The following JAKMIP1 variants were observed in gnomAD, a reference collection of about 807,000 sequenced individuals.
The protein encoded by JAKMIP1 is janus kinase and microtubule interacting protein 1.
A neutral mutation model predicts 113.0 loss-of-function variants in JAKMIP1; 33 were observed. That is an observed-to-expected ratio of 0.29 (90% CI 0.22 to 0.39). JAKMIP1 has a LOEUF of 0.39. Among genes scored for constraint, JAKMIP1 ranks in the 10% least tolerant of loss-of-function variants. JAKMIP1 has a pLI of 1.00. For synonymous variants in JAKMIP1, 480 were observed against 459.9 expected (o/e 1.04, Z -0.56); for missense variants, 813 against 1,080.5 (o/e 0.75, Z 3.47).
Position 6,044,346 on chromosome 4 carries a change from G to A in JAKMIP1, c.2029-2119C>T, listed in dbSNP as rs1714721710. On this transcript the variant is annotated intron_variant, in intron 16 of 20. Coordinates refer to ENST00000409021, the MANE Select transcript of JAKMIP1 (RefSeq NM_001099433.2). This position sits in a 1 kb window ranked among gnomAD's most constrained non-coding sequence, Gnocchi z 4.4. ...AAGGAGAATCAAGGCTGTGCAGGTT[G>A]GTGGGGTGTGTGCTGCCTGAACAGA... Among the ~76,000 whole-genome samples, 3 of 152,112 alleles carry A rather than the reference G, an allele frequency of 2.0e-5. No individual in the cohort carries two copies. The highest frequency in any genetic ancestry group is 7.2e-5 in the African/African-American group (3 of 41,432).
Position 6,170,035 on chromosome 4 carries a change from C to T in JAKMIP1, c.-148+30218G>A, listed in dbSNP as rs1724213854. Among the ~76,000 whole-genome samples, 10 of 130,242 alleles carry T rather than the reference C, an allele frequency of 7.7e-5. No homozygotes were observed. The South Asian group carries it at 2.4e-3, about 31-fold the overall frequency. 85.4% of individuals were successfully genotyped at this position (130,242 alleles called of 152,430 possible). ...CCTCACCACCACCACATTCCCATCACCACCACCACCACCATCACCACTCTC... is the reference window on the plus strand; with the variant it reads ...CCTCACCACCACCACATTCCCATCATCACCACCACCACCATCACCACTCTC... On this transcript the variant is annotated intron_variant, in intron 1 of 20. Transcript: ENST00000409021.
chr4:6,119,402 G>A (rs1020377547), intron 1 of JAKMIP1, among the ~76,000 whole-genome samples: 4 of 152,156 alleles, frequency 2.6e-5, no homozygotes, highest in Non-Finnish European at 5.9e-5. Context: ...AAATTAGCTG[G>A]GCGTGGTTGC....
rs1718229037 is a variant in JAKMIP1 at position 6,129,636 on chromosome 4, C to G, written c.-147-16639G>C. 6.6e-6 allele frequency among the ~76,000 whole-genome samples: 1 copy of G among 152,022 alleles called. No homozygotes were observed. The highest frequency in any genetic ancestry group is 6.5e-5 in the Admixed American group (1 of 15,278). ...CTGCTGAAAGTTCCTTTGTCCAGAC[C>G]CCCACTCAGCTGCCGTTCTCAATAT... On this transcript the variant is annotated intron_variant, in intron 1 of 20. Transcript: ENST00000409021. The surrounding 1 kb of genome is among the most constrained non-coding windows in gnomAD (Gnocchi z 5.4).
At position 6,090,436 on chromosome 4, in the gene JAKMIP1, T is replaced by A. The variant is rs1307830851; in HGVS notation, c.625-4807A>T. On this transcript the variant is annotated intron_variant, in intron 3 of 20. Transcript: ENST00000409021. Reference sequence around the variant, plus strand: ...ATATCTTGATTTGGGACTTCTGGACTCCAGAACCGTAGAGAAAATAAATGT... The same window carrying A: ...ATATCTTGATTTGGGACTTCTGGACACCAGAACCGTAGAGAAAATAAATGT... 3.3e-5 allele frequency among the ~76,000 whole-genome samples: 5 copies of A among 152,150 alleles called. No individual in the cohort carries two copies. In the South Asian group the frequency reaches 1.0e-3, roughly 31 times the overall value.
In JAKMIP1 at chr4:6,187,332, C is replaced by G. The variant is rs1370668750; in HGVS notation, c.-148+12921G>C. ...TAGCTTTCTTATGGTTGCTATTTAC[C>G]TGATATATTTTTTCTCATCCTTTCA... On this transcript the variant is annotated intron_variant, in intron 1 of 20. Transcript: ENST00000409021. The surrounding 1 kb of genome is among the most constrained non-coding windows in gnomAD (Gnocchi z 4.2). 6.6e-6 allele frequency among the ~76,000 whole-genome samples: 1 copy of G among 152,022 alleles called. No homozygotes were observed. The highest frequency in any genetic ancestry group is 2.4e-5 in the African/African-American group (1 of 41,360).
intron 19 of JAKMIP1, among the ~76,000 whole-genome samples, chr4:6,035,651 G>A (rs1054841003): frequency 9.2e-5 from 14 of 152,372 alleles, no homozygotes; most frequent in Non-Finnish European, 1.8e-4. Flanking sequence ...AAGGAGGGCC[G>A]AGGGAGAAGG....
intron 3 of JAKMIP1, among the ~76,000 whole-genome samples, chr4:6,101,902 T>C (rs1297171714): frequency 1.3e-4 from 3 of 22,278 alleles, no homozygotes; most frequent in Non-Finnish European, 1.2e-4. Context: ...CAAGACTCAG[T>C]TAAAAAAAAA....
In JAKMIP1 at chr4:6,049,797, G is replaced by A; in HGVS notation, c.1962+22C>T. 1 of 1,592,522 alleles carries A rather than the reference G, an allele frequency of 6.3e-7. No individual in the cohort carries two copies. The highest frequency in any genetic ancestry group is 8.6e-7 in the Non-Finnish European group (1 of 1,160,904). On this transcript the variant is annotated intron_variant, in intron 15 of 20. Coordinates refer to ENST00000409021, the MANE Select transcript of JAKMIP1 (RefSeq NM_001099433.2). The surrounding 1 kb of genome is among the most constrained non-coding windows in gnomAD (Gnocchi z 7.0). ...AGATCAAAACAAGAACACGAAAGCA[G>A]AAACCGATCGCTCATAGTTACCCCG...
chr4:6,174,068 G>A (rs1233605199), intron 1 of JAKMIP1, among the ~76,000 whole-genome samples: 6 of 152,126 alleles, frequency 3.9e-5, no homozygotes, highest in Admixed American at 6.5e-5. Context: ...ACATACATAC[G>A]TACATACATA....
At chr4:6,027,486 G>A (rs901949047) in intron 20 of JAKMIP1, among the ~76,000 whole-genome samples, 4 of 152,154 alleles carry the variant, frequency 2.6e-5, no homozygotes, top group East Asian at 1.9e-4. Flanking sequence ...TGGCAATGAC[G>A]AAGGGACCAA....
At chr4:6,068,040 A>G (rs1470047386) in intron 8 of JAKMIP1, among the ~76,000 whole-genome samples, 1 of 152,252 alleles carries the variant, frequency 6.6e-6, no homozygotes, top group Non-Finnish European at 1.5e-5. Flanking sequence ...CATCCACGTC[A>G]GCATCAGGGA....
At position 6,162,101 on chromosome 4, in the gene JAKMIP1, G is replaced by A. The variant is rs905477599; in HGVS notation, c.-148+38152C>T. 1.4e-5 allele frequency among the ~76,000 whole-genome samples: 2 copies of A among 148,050 alleles called. No homozygotes were observed. The highest frequency in any genetic ancestry group is 2.9e-5 in the Non-Finnish European group (2 of 68,004). ...GCTCAGGCTCAGCCATGTCTGGGAC[G>A]GGGTAGATTATGGGCCAGACGGGGG... is the stretch of plus-strand genomic sequence containing the variant. On this transcript the variant is annotated intron_variant, in intron 1 of 20. Transcript: ENST00000409021. The surrounding 1 kb of genome is among the most constrained non-coding windows in gnomAD (Gnocchi z 5.6).
chr4:6,073,361 C>A (rs1719252395), intron 8 of JAKMIP1, among the ~76,000 whole-genome samples: 1 of 152,180 alleles, frequency 6.6e-6, no homozygotes, highest in Non-Finnish European at 1.5e-5. Context: ...CAACAGCAGA[C>A]CCAGAGTCAT....
rs184195021 is a variant in JAKMIP1, at chr4:6,192,723, C to T, written c.-148+7530G>A. Reference sequence around the variant, plus strand: ...GAAACCCCACAGGCAGGGTTCCTGCCCTCATAGTGCTTGATTCTAGCTTCT... The same window carrying T: ...GAAACCCCACAGGCAGGGTTCCTGCTCTCATAGTGCTTGATTCTAGCTTCT... On this transcript the variant is annotated intron_variant, in intron 1 of 20. Coordinates refer to ENST00000409021, the MANE Select transcript of JAKMIP1 (RefSeq NM_001099433.2). This position sits in a 1 kb window ranked among gnomAD's most constrained non-coding sequence, Gnocchi z 5.0. 6.6e-6 allele frequency among the ~76,000 whole-genome samples: 1 copy of T among 152,238 alleles called. No homozygotes were observed. The highest frequency in any genetic ancestry group is 2.4e-5 in the African/African-American group (1 of 41,548).
chr4:6,070,062 T>C (rs1578147961), intron 8 of JAKMIP1: 2 of 398,606 alleles, frequency 5.0e-6, no homozygotes, highest in East Asian at 3.6e-5. Flanking sequence ...CCTACCTTCA[T>C]GCTTATAGGT....
Position 6,102,969 on chromosome 4 carries a change from G to A in JAKMIP1, c.624+2504C>T, listed in dbSNP as rs749413787. 9.9e-5 allele frequency among the ~76,000 whole-genome samples: 15 copies of A among 151,622 alleles called. No individual in the cohort carries two copies. In the South Asian group the frequency reaches 1.0e-3, roughly 11 times the overall value. ...AGGATGGTCTCAATCTCCTAAACTC[G>A]TGATCTGCCTGCCTCGGCCTCCCAA... On this transcript the variant is annotated intron_variant, in intron 3 of 20. Coordinates refer to ENST00000409021, the MANE Select transcript of JAKMIP1 (RefSeq NM_001099433.2).
chr4:6,160,562 C>A (rs952552239), intron 1 of JAKMIP1, among the ~76,000 whole-genome samples: 10 of 152,110 alleles, frequency 6.6e-5, no homozygotes, highest in Admixed American at 4.6e-4. Context: ...CCATTCCCAC[C>A]TTTTCCCAAA....
At chr4:6,038,835 C>T (rs904417179) in intron 18 of JAKMIP1, among the ~76,000 whole-genome samples, 1 of 152,224 alleles carries the variant, frequency 6.6e-6, no homozygotes, top group African/African-American at 2.4e-5. Context: ...CAGGAGACCC[C>T]TGCGTGGCCA....
In JAKMIP1 at chr4:6,179,059, A is replaced by G. The variant is rs763570798; in HGVS notation, c.-148+21194T>C. The stretch of plus-strand genomic sequence containing the variant: ...TCCCAGGAAAAAATAAAACTGGGCT[A>G]TATGTCCAGAGAGTGGTTGGGGAAA... On this transcript the variant is annotated intron_variant, in intron 1 of 20. Transcript: ENST00000409021. The surrounding 1 kb of genome is among the most constrained non-coding windows in gnomAD (Gnocchi z 4.5). 3.0e-4 allele frequency among the ~76,000 whole-genome samples: 46 copies of G among 152,232 alleles called. No homozygotes were observed. The highest frequency in any genetic ancestry group is 5.6e-4 in the Non-Finnish European group (38 of 68,040).
Sources: allele counts gnomAD v4.1 joint callset (sites outside exome capture counted in the v4.1 genomes callset), GRCh38; gene constraint gnomAD v4.1.1; non-coding constraint Gnocchi (gnomAD v3.1); transcripts MANE v1.5; gene names NCBI Gene and HGNC (gene_info 2026-07-23, HGNC 2026-07-21).